Variants in ATMIN observed in about 807,000 individuals in gnomAD.
The protein encoded by ATMIN is ATM interactor, also known as ATM INteracting protein.
In ATMIN, 24 loss-of-function variants were observed where a neutral mutation model predicts 49.2. That is an observed-to-expected ratio of 0.49 (90% confidence interval 0.35 to 0.69). The LOEUF (loss-of-function observed/expected upper bound fraction) is 0.69. ATMIN is among the 30% of genes least tolerant of loss of function. ATMIN has a pLI of 0.00. For synonymous variants in ATMIN, 450 were observed against 392.5 expected (o/e 1.15, Z -1.73); for missense variants, 1,037 against 1,005.5 (o/e 1.03, Z -0.42).
In ATMIN at chr16:81,036,129, A is replaced by G; in HGVS notation, c.259A>G (p.Thr87Ala). The G allele has an allele frequency of 1.4e-6, 2 of 1,462,474 alleles. No homozygotes were observed. The highest frequency in any genetic ancestry group is 1.8e-6 in the Non-Finnish European group (2 of 1,099,518). The allele number at this position is 1,462,474 out of a possible 1,614,324, so 90.6% of individuals were successfully genotyped here. Residue 87 changes from threonine (T) to alanine (A), a missense_variant, in exon 1 of 4, where the codon ACC (threonine) becomes GCC (alanine). Thr to Ala is a moderately conservative substitution (Grantham distance 58, BLOSUM62 0). Transcript: ENST00000299575. ...GGCCGTGCGGACCAACATCCTGTGC[A>G]CCGTGCGCGGCTGCGGCAAGATCCT... ...SRAVRTNILC[T>A]VRGCGKILPN... is the part of the protein sequence containing the mutation.
At position 81,044,800 on chromosome 16, in the gene ATMIN, A is replaced by C; in HGVS notation, c.2302A>C (p.Met768Leu). ...GTTGAACAGTACAGAAACACAGACC[A>C]TGAGTTCTGGGTTTGAAACCCTGGG... ...VQLNSTETQT[M>L]SSGFETLGSL... Residue 768 changes from methionine to leucine, a missense_variant, in exon 4 of 4, where the codon ATG (methionine) becomes CTG (leucine). Met to Leu is a conservative substitution (Grantham distance 15, BLOSUM62 2). Transcript: ENST00000299575. 4 of 1,614,194 alleles carry C rather than the reference A, an allele frequency of 2.5e-6. No homozygotes were observed. The highest frequency in any genetic ancestry group is 3.4e-6 in the Non-Finnish European group (4 of 1,180,024).
rs989601569 is a variant in ATMIN at position 81,045,243 on chromosome 16, A to G, written c.*273A>G. On this transcript the variant is annotated 3_prime_UTR_variant, in exon 4 of 4. Transcript: ENST00000299575. ...CTTTTCATGTTAAAAAAAAAAATGTATTTCATATCTATAAAACCTATATAG... is the reference window on the plus strand; with the variant it reads ...CTTTTCATGTTAAAAAAAAAAATGTGTTTCATATCTATAAAACCTATATAG... The G allele has an allele frequency of 4.5e-5, 19 of 423,370 alleles. 1 individual carries two copies. Among genetic ancestry groups the G allele is most frequent in the Admixed American group, 1.2e-4 (3 of 24,496 alleles). 26.2% of individuals were successfully genotyped at this position (423,370 alleles called of 1,614,324 possible).
chr16:81,037,412 T>C, intron 1 of ATMIN: 1 of 985,466 alleles, frequency 1.0e-6, no homozygotes, highest in Non-Finnish European at 1.2e-6. Context: ...TACCACCATC[T>C]AAACCGGGAT....
chr16:81,043,534 T>C lies in ATMIN; in HGVS notation c.1036T>C (p.Leu346=), dbSNP rs1567564942. The C allele has an allele frequency of 2.5e-6, 4 of 1,614,116 alleles. 1 individual carries two copies. In the Admixed American group the frequency reaches 5.0e-5, roughly 20 times the overall value. ...SATGAVHLMP[L]SVGTLILGLD... ...CACAGGGGCTGTGCACTTAATGCCC[T>C]TGTCAGTAGGAACCCTGATCCTCGG... is the stretch of plus-strand genomic sequence containing the variant. The change falls in exon 4 of 4, where the codon TTG becomes CTG. Residue 346 remains leucine (L), a synonymous_variant. Transcript: ENST00000299575.
At position 81,043,149 on chromosome 16, in the gene ATMIN, C is replaced by G. The variant is rs765786979; in HGVS notation, c.663-12C>G. On this transcript the variant is annotated splice_polypyrimidine_tract_variant and intron_variant, in intron 3 of 3. Transcript: ENST00000299575. Reference sequence around the variant, plus strand: ...TTTTAAGGTTTTCTTTTTGCTCTGTCATTGTTTTCAGGGACCCACCTAGTA... The same window carrying G: ...TTTTAAGGTTTTCTTTTTGCTCTGTGATTGTTTTCAGGGACCCACCTAGTA... The G allele has an allele frequency of 7.6e-6, 12 of 1,583,302 alleles. No individual in the cohort carries two copies. Among genetic ancestry groups the G allele is most frequent in the Non-Finnish European group, 8.5e-6 (10 of 1,169,936 alleles).
At position 81,040,917 on chromosome 16, in the gene ATMIN, T is replaced by C. The variant is rs529739230; in HGVS notation, c.337-439T>C. 147 of 156,680 alleles carry C rather than the reference T, an allele frequency of 9.4e-4. 1 individual carries two copies. In the Middle Eastern group the frequency reaches 0.02, roughly 22 times the overall value. 9.7% of individuals were successfully genotyped at this position (156,680 alleles called of 1,614,324 possible). On this transcript the variant is annotated intron_variant, in intron 1 of 3. Transcript: ENST00000299575. ...GCACTTAGAAGAGGACAGGAGATAG[T>C]AAAAGGCATTCAATGATGAGAGCAC...
intron 1 of ATMIN, among the ~76,000 whole-genome samples, chr16:81,039,693 T>C (rs1180644412): frequency 1.3e-5 from 2 of 152,166 alleles, no homozygotes; most frequent in African/African-American, 4.8e-5. Flanking sequence ...TTTTGTTCCT[T>C]GTGTGTGAAA....
In ATMIN at chr16:81,045,217, T is replaced by G; in HGVS notation, c.*247T>G. On this transcript the variant is annotated 3_prime_UTR_variant, in exon 4 of 4. Transcript: ENST00000299575. ...CCTACATTTGCCTTTTCACAGCTAG[T>G]CTTTTCATGTTAAAAAAAAAAATGT... 1 of 414,274 alleles carries G rather than the reference T, an allele frequency of 2.4e-6. No homozygotes were observed. Among genetic ancestry groups the G allele is most frequent in the South Asian group, 4.2e-5 (1 of 23,776 alleles). The allele number at this position is 414,274 out of a possible 1,614,324, so 25.7% of individuals were successfully genotyped here.
chr16:81,035,971 C>G lies in ATMIN; in HGVS notation c.101C>G (p.Ser34Trp). Residue 34 changes from serine to tryptophan, a missense_variant, in exon 1 of 4, where the codon TCG becomes TGG. Transcript: ENST00000299575. ...ACGACAGGAGCCGCCGCCGCCGCCT[C>G]GGGCCCGTGGGTGCCCCCGGGACCC... ...AATTGAAAAA[S>W]GPWVPPGPRL... 9.4e-7 allele frequency: 1 copy of G among 1,066,440 alleles called. No homozygotes were observed. Among genetic ancestry groups the G allele is most frequent in the South Asian group, 4.4e-5 (1 of 22,866 alleles). 66.1% of individuals were successfully genotyped at this position (1,066,440 alleles called of 1,614,324 possible).
chr16:81,042,398 A>G lies in ATMIN; in HGVS notation c.580A>G (p.Thr194Ala), dbSNP rs1947893565. 2 of 1,614,090 alleles carry G rather than the reference A, an allele frequency of 1.2e-6. No individual in the cohort carries two copies. Among genetic ancestry groups the G allele is most frequent in the African/African-American group, 1.3e-5 (1 of 74,934 alleles). The change falls in exon 3 of 4, where the codon ACA (threonine) becomes GCA (alanine). Residue 194 changes from threonine to alanine, a missense_variant. Physicochemically the swap from Thr to Ala is moderately conservative, Grantham distance 58. Coordinates refer to ENST00000299575, the MANE Select transcript of ATMIN (RefSeq NM_015251.3). ...AEDCGKTFRCTCGCPYASRTA... is the reference protein window; with the variant it reads ...AEDCGKTFRCACGCPYASRTA... ...GGACTGTGGCAAGACCTTCCGGTGC[A>G]CATGCGGCTGTCCCTACGCCAGTAG...
In ATMIN at chr16:81,044,935, A is replaced by G. The variant is rs773806057; in HGVS notation, c.2437A>G (p.Thr813Ala). Reference protein sequence around the residue: ...ESQFSSVETQTSAEPHTVSNF With the variant: ...ESQFSSVETQASAEPHTVSNF ...TCAGTTCAGCTCTGTAGAAACCCAGACTTCTGCGGAACCACACACAGTCTC... is the reference window on the plus strand; with the variant it reads ...TCAGTTCAGCTCTGTAGAAACCCAGGCTTCTGCGGAACCACACACAGTCTC... The change falls in exon 4 of 4, where the codon ACT becomes GCT. Residue 813 changes from threonine to alanine, a missense_variant. Coordinates refer to ENST00000299575, the MANE Select transcript of ATMIN (RefSeq NM_015251.3). 2 of 1,613,882 alleles carry G rather than the reference A, an allele frequency of 1.2e-6. No homozygotes were observed. Among genetic ancestry groups the G allele is most frequent in the Non-Finnish European group, 1.7e-6 (2 of 1,179,800 alleles).
At position 81,046,771 on chromosome 16, in the gene ATMIN, TTAAAG is replaced by T. The variant is rs1288683565; in HGVS notation, c.*1806_*1810del. ...ACCTAGTAAGGGGACTAATGATTCA[TTAAAG>T]TAAATTGATGGTTTTGCTACTAATT... On this transcript the variant is annotated 3_prime_UTR_variant, in exon 4 of 4. Transcript: ENST00000299575. 6.6e-6 allele frequency: 1 copy of T among 152,520 alleles called. No homozygotes were observed. The highest frequency in any genetic ancestry group is 1.5e-5 in the Non-Finnish European group (1 of 68,024). 9.4% of individuals were successfully genotyped at this position (152,520 alleles called of 1,614,324 possible).
chr16:81,043,123 AT>A (rs1488141846), intron 3 of ATMIN, 37 bp from the exon 4 acceptor site: 1 of 1,560,290 alleles, frequency 6.4e-7, no homozygotes, highest in Non-Finnish European at 8.6e-7. Context: ...AGAAAGTTGT[AT>A]TTTAAGGTTT....
At chr16:81,037,182 A>C in intron 1 of ATMIN, 1 of 985,312 alleles carries the variant, frequency 1.0e-6, no homozygotes, top group Non-Finnish European at 1.2e-6. Flanking sequence ...TCCTTCCACC[A>C]CTCTAGGCCA....
chr16:81,042,535 A>T, intron 3 of ATMIN, 55 bp downstream of exon 3: 1 of 1,559,360 alleles, frequency 6.4e-7, no homozygotes, highest in Non-Finnish European at 8.8e-7. Context: ...AGCATTTCAG[A>T]TGAAACATCC....
chr16:81,040,338 G>A (rs901631959), intron 1 of ATMIN, among the ~76,000 whole-genome samples: 3 of 152,106 alleles, frequency 2.0e-5, no homozygotes, highest in Non-Finnish European at 4.4e-5. Flanking sequence ...GGTGGGAGGA[G>A]GCTGCTGTGC....
chr16:81,044,761 G>C lies in ATMIN; in HGVS notation c.2263G>C (p.Glu755Gln). Residue 755 changes from glutamate (E) to glutamine (Q), a missense_variant, in exon 4 of 4, where the codon GAA (glutamate) becomes CAA (glutamine). Glu to Gln is a conservative substitution (Grantham distance 29). Coordinates refer to ENST00000299575, the MANE Select transcript of ATMIN (RefSeq NM_015251.3). ...VSTAKNIPALESKVQLNSTET... is the reference protein window; with the variant it reads ...VSTAKNIPALQSKVQLNSTET... The stretch of plus-strand genomic sequence containing the variant: ...CACTGCTAAAAATATACCTGCTCTA[G>C]AAAGCAAAGTTCAGTTGAACAGTAC... 1 of 1,614,210 alleles carries C rather than the reference G, an allele frequency of 6.2e-7. No homozygotes were observed. The highest frequency in any genetic ancestry group is 8.5e-7 in the Non-Finnish European group (1 of 1,180,040).
In ATMIN at chr16:81,044,892, C is replaced by G. The variant is rs752272504; in HGVS notation, c.2394C>G (p.Ala798=). The G allele has an allele frequency of 1.9e-6, 3 of 1,614,134 alleles. No homozygotes were observed. The highest frequency in any genetic ancestry group is 1.7e-4 in the Middle Eastern group (1 of 6,060). Residue 798 remains alanine, a synonymous_variant, in exon 4 of 4, where the codon GCC becomes GCG. Transcript: ENST00000299575. ...AMDDFLLADL[A]WNTMESQFSS... ...ATGACTTTCTTCTGGCTGATCTGGC[C>G]TGGAACACGATGGAGTCTCAGTTCA...
chr16:81,041,248 A>G, intron 1 of ATMIN, 108 bp from the exon 2 acceptor site: 1 of 1,252,064 alleles, frequency 8.0e-7, no homozygotes, highest in South Asian at 1.5e-5. Flanking sequence ...AAAACTCTTA[A>G]TTAAAAGTAT....
Sources: allele counts gnomAD v4.1 joint callset (sites outside exome capture counted in the v4.1 genomes callset), GRCh38; gene constraint gnomAD v4.1.1; transcripts MANE v1.5; gene names NCBI Gene and HGNC (gene_info 2026-07-23, HGNC 2026-07-21).